CAPS2: variants seen among roughly 807,000 people sequenced by gnomAD.
CAPS2 encodes the protein calcyphosine 2.
CAPS2 carries 98 observed loss-of-function variants against 86.5 expected under a neutral mutation model. That is an observed-to-expected ratio of 1.13 (90% CI 0.96 to 1.34). CAPS2 has a LOEUF of 1.34. Among genes scored for constraint, CAPS2 ranks in the 40% most tolerant of loss-of-function variants. The pLI is 0.00. For missense variants in CAPS2, 729 were observed against 686.8 expected, an observed-to-expected ratio of 1.06 and a Z score of -0.69; for synonymous variants, 210 against 225.1, an observed-to-expected ratio of 0.93 and a Z score of 0.60.
chr12:75,354,763 T>C (rs1033892463), intron 1 of CAPS2, among the ~76,000 whole-genome samples: 1 of 152,148 alleles, frequency 6.6e-6, no homozygotes, highest in African/African-American at 2.4e-5. Context: ...AACAGCATGG[T>C]ACTGGTACAA....
At chr12:75,362,251 C>T (rs1187246723) in intron 1 of CAPS2, among the ~76,000 whole-genome samples, 1 of 152,062 alleles carries the variant, frequency 6.6e-6, no homozygotes, top group Admixed American at 6.6e-5. Flanking sequence ...CAAATACACA[C>T]ATTAAAATGC....
chr12:75,347,204 T>A (rs1408959481), intron 1 of CAPS2, among the ~76,000 whole-genome samples: 1 of 152,146 alleles, frequency 6.6e-6, no homozygotes, highest in South Asian at 2.1e-4. Context: ...AAATTTAAGA[T>A]GTAATTTGTA....
At chr12:75,312,425 T>C (rs1389776086) in intron 7 of CAPS2, among the ~76,000 whole-genome samples, 1 of 152,146 alleles carries the variant, frequency 6.6e-6, no homozygotes, top group African/African-American at 2.4e-5. Context: ...AAAGCAAATA[T>C]CAGGTGAAAA....
Position 75,307,030 on chromosome 12 carries a change from C to A in CAPS2, c.660-2154G>T, listed in dbSNP as rs200427717. Among the ~76,000 whole-genome samples, 9 of 152,146 alleles carry A rather than the reference C, an allele frequency of 5.9e-5. No individual in the cohort carries two copies. In the East Asian group the frequency reaches 1.6e-3, roughly 26 times the overall value. On this transcript the variant is annotated intron_variant, in intron 7 of 16. Transcript: ENST00000393284. ...TGTGTACGGCCACAGGAGTAGACAGCACAGTGAGGACACACCTGAGGACTG... is the reference window on the plus strand; with the variant it reads ...TGTGTACGGCCACAGGAGTAGACAGAACAGTGAGGACACACCTGAGGACTG...
At chr12:75,306,251 T>C (rs558217814) in intron 7 of CAPS2, 38 of 638,504 alleles carry the variant, frequency 6.0e-5, no homozygotes, top group Non-Finnish European at 7.8e-5. Flanking sequence ...AATCATGGAG[T>C]TCCTGGCCAG....
intron 5 of CAPS2, among the ~76,000 whole-genome samples, chr12:75,317,426 G>T (rs1446523404): frequency 6.6e-6 from 1 of 152,098 alleles, no homozygotes; most frequent in Non-Finnish European, 1.5e-5. Flanking sequence ...AAATTAAGCA[G>T]ATTAATTTAA....
At chr12:75,371,528 T>C (rs1026576030) in intron 1 of CAPS2, 1 of 286,464 alleles carries the variant, frequency 3.5e-6, no homozygotes, top group Non-Finnish European at 7.1e-6. Flanking sequence ...CCACCCCTTG[T>C]CTACTTGAAA....
At chr12:75,296,781 G>T (rs2036970811) in intron 11 of CAPS2, among the ~76,000 whole-genome samples, 1 of 152,180 alleles carries the variant, frequency 6.6e-6, no homozygotes, top group Non-Finnish European at 1.5e-5. Flanking sequence ...AAAAAAGAGG[G>T]ATAGGGTTGA....
At chr12:75,279,631 C>G (rs1001197610) in intron 16 of CAPS2, among the ~76,000 whole-genome samples, 21 of 151,812 alleles carry the variant, frequency 1.4e-4, no homozygotes, top group Admixed American at 4.6e-4. Flanking sequence ...GTCTTTCAAA[C>G]TAAAGGAATG....
At chr12:75,387,714 G>A (rs2045364809) in intron 1 of CAPS2, among the ~76,000 whole-genome samples, 1 of 152,140 alleles carries the variant, frequency 6.6e-6, no homozygotes, top group Non-Finnish European at 1.5e-5. Flanking sequence ...GTATCACATG[G>A]TAAAGGGGCT....
At chr12:75,388,884 G>C (rs2045428128) in intron 1 of CAPS2, among the ~76,000 whole-genome samples, 1 of 151,888 alleles carries the variant, frequency 6.6e-6, no homozygotes, top group African/African-American at 2.4e-5. Context: ...GTATGTGTGG[G>C]GACAGGAGTT....
intron 1 of CAPS2, among the ~76,000 whole-genome samples, chr12:75,349,041 GGAAAAGAGTACCAGA>G (rs1409502721): frequency 6.6e-6 from 1 of 151,816 alleles, no homozygotes; most frequent in African/African-American, 2.4e-5. Context: ...TAGAGTTCAC[GGAAAAGAGTACCAGA>G]GAAAAGAGAA....
chr12:75,334,842 A>T (rs750000060), upstream of CAPS2: 1 of 1,614,084 alleles, frequency 6.2e-7, no homozygotes, highest in African/African-American at 1.3e-5. Flanking sequence ...ACAACTGCAT[A>T]GAAGCCCACA....
At chr12:75,380,872 T>C (rs2139806381) in intron 1 of CAPS2, among the ~76,000 whole-genome samples, 1 of 152,356 alleles carries the variant, frequency 6.6e-6, no homozygotes, top group East Asian at 1.9e-4. Flanking sequence ...GCTAGGAATC[T>C]TATTTTCACC....
intron 1 of CAPS2, among the ~76,000 whole-genome samples, chr12:75,354,096 C>CCT (rs769997191): frequency 6.1e-5 from 9 of 148,566 alleles, no homozygotes; most frequent in Non-Finnish European, 1.3e-4. Flanking sequence ...ACAAAAATGT[C>CCT]CTCTCTCACC....
intron 1 of CAPS2, among the ~76,000 whole-genome samples, chr12:75,345,265 C>CT (rs539468616): frequency 3.3e-5 from 5 of 151,548 alleles, no homozygotes; most frequent in Admixed American, 1.3e-4. Context: ...CAGTTTCTAT[C>CT]TTTTTTTTTC....
chr12:75,290,534 G>A (rs900997723), intron 13 of CAPS2, among the ~76,000 whole-genome samples: 1 of 152,140 alleles, frequency 6.6e-6, no homozygotes, highest in Non-Finnish European at 1.5e-5. Flanking sequence ...AAGAACATAT[G>A]AGAGTCCAAA....
chr12:75,375,126 A>G (rs1400532219), intron 1 of CAPS2, among the ~76,000 whole-genome samples: 1 of 152,136 alleles, frequency 6.6e-6, no homozygotes, highest in African/African-American at 2.4e-5. Flanking sequence ...TTCCTACCAC[A>G]ATAGCCCTCA....
intron 1 of CAPS2, among the ~76,000 whole-genome samples, chr12:75,336,600 A>G (rs2139238432): frequency 6.6e-6 from 1 of 151,946 alleles, no homozygotes; most frequent in African/African-American, 2.4e-5. Context: ...TAATTCAACA[A>G]AAGACACAGC....
Sources: gnomAD v4.1 joint callset for allele counts (sites outside exome capture counted in the v4.1 genomes callset) on GRCh38, gnomAD v4.1.1 for gene constraint, MANE v1.5 for transcripts, NCBI Gene and HGNC (gene_info 2026-07-23, HGNC 2026-07-21) for gene names.